The following ST3GAL1 variants were observed in gnomAD, a reference collection of about 807,000 sequenced individuals.
The protein encoded by ST3GAL1 is CMP-N-acetylneuraminate-beta-galactosamide-alpha-2,3-sialyltransferase 1.
A neutral mutation model predicts 34.1 loss-of-function variants in ST3GAL1; 16 were observed. The ratio of observed to expected loss-of-function variants is 0.47; its 90% confidence interval spans 0.32 to 0.71. The LOEUF (loss-of-function observed/expected upper bound fraction) is 0.71, where lower values mean the gene tolerates loss of function less well. Among genes scored for constraint, ST3GAL1 ranks in the 30% least tolerant of loss-of-function variants. ST3GAL1 has a pLI of 0.04. For synonymous variants in ST3GAL1, 191 were observed against 184.7 expected (o/e 1.03, Z -0.28); for missense variants, 353 against 447.4 (o/e 0.79, Z 1.90).
chr8:133,565,744 G>A (rs1819376092), intron 1 of ST3GAL1, among the ~76,000 whole-genome samples: 1 of 152,196 alleles, frequency 6.6e-6, no homozygotes, highest in African/African-American at 2.4e-5. Flanking sequence ...AGAGGGAGTG[G>A]GAATTTATAC....
In ST3GAL1 at chr8:133,537,259, C is replaced by T. The variant is rs188503430; in HGVS notation, c.-429+8515G>A. Reference sequence around the variant, plus strand: ...GAAGGGGCATGCTACCCTCCAGGAACCTCCAGTGCTCAGCTATCTGGAAGC... The same window carrying T: ...GAAGGGGCATGCTACCCTCCAGGAATCTCCAGTGCTCAGCTATCTGGAAGC... On this transcript the variant is annotated intron_variant, in intron 2 of 9. Transcript: ENST00000522652. Among the ~76,000 whole-genome samples the T allele has an allele frequency of 7.0e-4, 106 of 152,148 alleles. 1 individual carries two copies. Among genetic ancestry groups the T allele is most frequent in the African/African-American group, 2.4e-3 (98 of 41,546 alleles).
intron 1 of ST3GAL1, among the ~76,000 whole-genome samples, chr8:133,562,835 TTCC>T (rs1819278585): frequency 2.9e-5 from 3 of 103,768 alleles, no homozygotes; most frequent in Non-Finnish European, 5.4e-5. Context: ...CCTTCCTTCC[TTCC>T]TTCCTTTCTT....
chr8:133,491,011 G>C (rs1387185004), intron 3 of ST3GAL1, among the ~76,000 whole-genome samples: 5 of 152,050 alleles, frequency 3.3e-5, no homozygotes, highest in African/African-American at 1.2e-4. Context: ...CGATGTGCTT[G>C]CAAATCTTCC....
At chr8:133,491,382 A>G (rs576692302) in intron 3 of ST3GAL1, among the ~76,000 whole-genome samples, 120 of 152,078 alleles carry the variant, frequency 7.9e-4, no homozygotes, top group African/African-American at 2.8e-3. Context: ...ATTTCCCCCC[A>G]TTTGGGTGGT....
At chr8:133,549,292 C>T (rs1173292034) in intron 1 of ST3GAL1, among the ~76,000 whole-genome samples, 1 of 150,822 alleles carries the variant, frequency 6.6e-6, no homozygotes, top group Non-Finnish European at 1.5e-5. Context: ...ATCCCAGCTA[C>T]TCGGGAGGCT....
intron 1 of ST3GAL1, among the ~76,000 whole-genome samples, chr8:133,568,698 G>A (rs990369266): frequency 6.6e-6 from 1 of 152,126 alleles, no homozygotes; most frequent in African/African-American, 2.4e-5. Context: ...CACAGGAACT[G>A]ACTCAAGCAA....
chr8:133,567,848 G>T (rs1344626947), intron 1 of ST3GAL1, among the ~76,000 whole-genome samples: 2 of 152,106 alleles, frequency 1.3e-5, no homozygotes, highest in Admixed American at 1.3e-4. Flanking sequence ...CATAAATCAG[G>T]TGGTGGCTGT....
At chr8:133,486,469 C>G (rs759322494) in intron 3 of ST3GAL1, among the ~76,000 whole-genome samples, 12 of 152,216 alleles carry the variant, frequency 7.9e-5, no homozygotes, top group Non-Finnish European at 1.3e-4. Context: ...CAGGCCTGGA[C>G]CCACTCAACG....
intron 3 of ST3GAL1, among the ~76,000 whole-genome samples, chr8:133,481,518 T>TA (rs1230766666): frequency 6.6e-6 from 1 of 152,166 alleles, no homozygotes; most frequent in Non-Finnish European, 1.5e-5. Flanking sequence ...GGTTTTGAGA[T>TA]AGAGTCTTAC....
At chr8:133,540,970 T>C (rs1436174799) in intron 2 of ST3GAL1, among the ~76,000 whole-genome samples, 4 of 128,200 alleles carry the variant, frequency 3.1e-5, no homozygotes, top group South Asian at 2.5e-4. Flanking sequence ...TATATAGACA[T>C]ATATATGCAG....
At chr8:133,502,019 G>T (rs1042948298) in intron 2 of ST3GAL1, among the ~76,000 whole-genome samples, 2 of 152,146 alleles carry the variant, frequency 1.3e-5, no homozygotes, top group Admixed American at 6.5e-5. Context: ...ACTGCCTCAG[G>T]ATTCACCGGG....
rs186252714 is a variant in ST3GAL1, at chr8:133,484,933, G to A, written c.-373-8333C>T. Among the ~76,000 whole-genome samples, 129 of 152,294 alleles carry A rather than the reference G, an allele frequency of 8.5e-4. 1 individual carries two copies. Among genetic ancestry groups the A allele is most frequent in the African/African-American group, 2.9e-3 (122 of 41,562 alleles). On this transcript the variant is annotated intron_variant, in intron 3 of 9. Transcript: ENST00000522652. ...GCACTGGGAATTGTGATGGGAGACT[G>A]TTCAGAAACATTTAAGAACTCAGCA...
rs370971544 is a variant in ST3GAL1 at position 133,541,094 on chromosome 8, A to T, written c.-429+4680T>A. ...ACATATATATAGACATATATATATA[A>T]ACATATATATATATATATATATATA... is the stretch of plus-strand genomic sequence containing the variant. On this transcript the variant is annotated intron_variant, in intron 2 of 9. Transcript: ENST00000522652. 6.0e-4 allele frequency among the ~76,000 whole-genome samples: 33 copies of T among 54,560 alleles called. 1 individual carries two copies. The highest frequency in any genetic ancestry group is 7.5e-4 in the Non-Finnish European group (23 of 30,588). The allele number at this position is 54,560 out of a possible 152,430, so 35.8% of individuals were successfully genotyped here.
chr8:133,562,079 C>A (rs1819240997), intron 1 of ST3GAL1, among the ~76,000 whole-genome samples: 1 of 151,474 alleles, frequency 6.6e-6, no homozygotes, highest in Non-Finnish European at 1.5e-5. Context: ...GACCCTGTCT[C>A]CAAAAATAAA....
intron 1 of ST3GAL1, among the ~76,000 whole-genome samples, chr8:133,555,765 T>C (rs1818995210): frequency 6.6e-6 from 1 of 152,148 alleles, no homozygotes; most frequent in South Asian, 2.1e-4. Flanking sequence ...GGGTGCCCTC[T>C]CCACCCCTCA....
At position 133,455,009 on chromosome 8, in the gene ST3GAL1, G is replaced by C. The variant is rs908732639; in HGVS notation, c.*4755C>G. The C allele has an allele frequency of 6.6e-6, 1 of 152,222 alleles. No individual in the cohort carries two copies. Among genetic ancestry groups the C allele is most frequent in the African/African-American group, 2.4e-5 (1 of 41,422 alleles). The allele number at this position is 152,222 out of a possible 1,614,324, so 9.4% of individuals were successfully genotyped here. ...CTGCGTAACGACATGGAGAGAGGCA[G>C]GGGGGAATAGAAAGCAAATTTAAAA... On this transcript the variant is annotated 3_prime_UTR_variant, in exon 10 of 10. Transcript: ENST00000522652.
chr8:133,546,582 G>T (rs1382833010), intron 1 of ST3GAL1, among the ~76,000 whole-genome samples: 5 of 152,092 alleles, frequency 3.3e-5, no homozygotes, highest in Admixed American at 1.3e-4. Flanking sequence ...CACTAATGAG[G>T]TGCTGTTTAG....
Position 133,521,632 on chromosome 8 carries a change from C to T in ST3GAL1, c.-428-22443G>A, listed in dbSNP as rs188235451. 2.3e-3 allele frequency among the ~76,000 whole-genome samples: 347 copies of T among 152,306 alleles called. 1 individual carries two copies. Among genetic ancestry groups the T allele is most frequent in the African/African-American group, 7.9e-3 (328 of 41,576 alleles). ...ATTTTTAATAGCAAAATGTAGAGAG[C>T]TCCTCCTGCATGCTCCACATTAAGG... On this transcript the variant is annotated intron_variant, in intron 2 of 9. Transcript: ENST00000522652.
rs1346560582 is a variant in ST3GAL1 at position 133,561,898 on chromosome 8, A to G, written c.-582+9795T>C. On this transcript the variant is annotated intron_variant, in intron 1 of 9. Coordinates refer to ENST00000522652, the MANE Select transcript of ST3GAL1 (RefSeq NM_173344.3). ...AAGGAATAAACTAAGGACGACTGTG[A>G]TAGAACTGCAAGGTTGGTGAAGGTC... Among the ~76,000 whole-genome samples the G allele has an allele frequency of 2.1e-4, 32 of 152,196 alleles. 1 individual carries two copies.
Sources: gnomAD v4.1 joint callset for allele counts (sites outside exome capture counted in the v4.1 genomes callset) on GRCh38, gnomAD v4.1.1 for gene constraint, MANE v1.5 for transcripts, NCBI Gene and HGNC (gene_info 2026-07-23, HGNC 2026-07-21) for gene names.